ROBO2: variants seen among roughly 807,000 people sequenced by gnomAD.
The protein encoded by ROBO2 is roundabout homolog 2.
In ROBO2, 53 loss-of-function variants were observed where a neutral mutation model predicts 160.8. The ratio of observed to expected loss-of-function variants is 0.33; its 90% confidence interval spans 0.26 to 0.41. The LOEUF is 0.41. ROBO2 is among the 10% of genes least tolerant of loss of function. The probability of loss-of-function intolerance (pLI) is 1.00; values close to 1 mark genes in which losing one functional copy is unlikely to be tolerated. For missense variants in ROBO2, 1,577 were observed against 1,722.4 expected (o/e 0.92, Z 1.49); for synonymous variants, 664 against 611.7 (o/e 1.09, Z -1.26).
intron 2 of ROBO2, among the ~76,000 whole-genome samples, chr3:77,311,482 T>A (rs56698695): frequency 0.054 from 8,272 of 152,292 alleles, 704 homozygotes; most frequent in African/African-American, 0.18. Context: ...TAATGCTAAG[T>A]TCATCATATC....
chr3:76,009,581 G>A (rs539257647), intron 2 of ROBO2, among the ~76,000 whole-genome samples: 53 of 152,118 alleles, frequency 3.5e-4, no homozygotes, highest in Non-Finnish European at 5.3e-4. Flanking sequence ...ATAGTGTTGC[G>A]TCTTTCAGAA....
chr3:77,298,822 C>G (rs189269262), intron 2 of ROBO2, among the ~76,000 whole-genome samples: 214 of 152,248 alleles, frequency 1.4e-3, no homozygotes, highest in African/African-American at 4.9e-3. Context: ...ATAGATAAAG[C>G]AATAGACCCT....
At chr3:75,968,930 TAGATAGTACA>T (rs1338580002) in intron 2 of ROBO2, among the ~76,000 whole-genome samples, 4 of 144,738 alleles carry the variant, frequency 2.8e-5, no homozygotes, top group Non-Finnish European at 4.7e-5. Context: ...TGGCTTGTTT[TAGATAGTACA>T]TAGATAGCAC....
At chr3:76,520,649 A>C (rs193034732) in intron 2 of ROBO2, among the ~76,000 whole-genome samples, 1 of 152,150 alleles carries the variant, frequency 6.6e-6, no homozygotes, top group African/African-American at 2.4e-5. Context: ...GTCCTGGTCT[A>C]TACCACTGTG....
chr3:76,850,811 T>G (rs1379627445), intron 2 of ROBO2, among the ~76,000 whole-genome samples: 3 of 152,058 alleles, frequency 2.0e-5, no homozygotes. Flanking sequence ...GCCCATTCAA[T>G]TTTAGGATAT....
intron 2 of ROBO2, among the ~76,000 whole-genome samples, chr3:76,077,896 C>A (rs921680679): frequency 2.6e-5 from 4 of 152,180 alleles, no homozygotes; most frequent in Admixed American, 2.6e-4. Context: ...TAGTTGCCAA[C>A]TTCCATTGAT....
intron 2 of ROBO2, among the ~76,000 whole-genome samples, chr3:77,196,449 C>T (rs1385595240): frequency 6.6e-6 from 1 of 151,288 alleles, no homozygotes; most frequent in Non-Finnish European, 1.5e-5. Flanking sequence ...TGGTTTGAGA[C>T]ATATGCTTAA....
At chr3:76,509,616 G>A (rs2080975757) in intron 2 of ROBO2, among the ~76,000 whole-genome samples, 1 of 152,128 alleles carries the variant, frequency 6.6e-6, no homozygotes, top group Admixed American at 6.6e-5. Context: ...ATTCGGCCTA[G>A]TGTTGAGGCA....
intron 2 of ROBO2, among the ~76,000 whole-genome samples, chr3:75,985,783 TAAATG>T (rs1355762190): frequency 6.6e-6 from 1 of 151,682 alleles, no homozygotes; most frequent in Non-Finnish European, 1.5e-5. Flanking sequence ...GAACCTCATA[TAAATG>T]AAATCATACA....
intron 2 of ROBO2, among the ~76,000 whole-genome samples, chr3:76,066,652 T>G (rs2324470): frequency 6.6e-6 from 1 of 151,602 alleles, no homozygotes; most frequent in South Asian, 2.1e-4. Flanking sequence ...TATATGTGAA[T>G]AAACAGGCTC....
chr3:76,424,450 A>G (rs558187920), intron 2 of ROBO2, among the ~76,000 whole-genome samples: 4 of 152,306 alleles, frequency 2.6e-5, no homozygotes, highest in African/African-American at 9.6e-5. Context: ...TGGAATCTAA[A>G]AAATGGATAA....
chr3:77,040,382 G>C lies in ROBO2; in HGVS notation c.-404G>C, dbSNP rs79942150. ...TTTTCGGCAGCGCGCTGGCAAGTTT[G>C]TGGAACACTTTCTAGGAATTAGGTC... On this transcript the variant is annotated 5_prime_UTR_variant, in exon 1 of 26. Coordinates refer to ENST00000461745, the Ensembl canonical transcript of ROBO2. The C allele has an allele frequency of 7.4e-3, 7,512 of 1,008,888 alleles. 415 individuals are homozygous for C. The African/African-American group carries it at 0.12, about 16-fold the overall frequency. 62.5% of individuals were successfully genotyped at this position (1,008,888 alleles called of 1,614,324 possible). A position where few individuals can be genotyped will look rare whatever the true frequency, so the allele number is the denominator to read the frequency against.
intron 2 of ROBO2, among the ~76,000 whole-genome samples, chr3:77,374,089 G>A (rs1352497664): frequency 7.2e-6 from 1 of 139,336 alleles, no homozygotes; most frequent in Non-Finnish European, 1.5e-5. Context: ...AGAATTGCTG[G>A]AACCTGGGAG....
intron 2 of ROBO2, among the ~76,000 whole-genome samples, chr3:77,103,324 A>G (rs2150118409): frequency 6.6e-6 from 1 of 152,164 alleles, no homozygotes; most frequent in Non-Finnish European, 1.5e-5. Context: ...GCCAGTGCAG[A>G]GAGTAGAGAT....
chr3:76,306,669 A>G (rs2071351717), intron 2 of ROBO2, among the ~76,000 whole-genome samples: 1 of 152,196 alleles, frequency 6.6e-6, no homozygotes, highest in Non-Finnish European at 1.5e-5. Flanking sequence ...TTAATTTGTA[A>G]CTAAATTCTT....
chr3:77,449,866 G>C (rs1330881777), intron 2 of ROBO2, among the ~76,000 whole-genome samples: 2 of 152,060 alleles, frequency 1.3e-5, no homozygotes, highest in Non-Finnish European at 2.9e-5. Context: ...GTCCAGCTCT[G>C]TTAAAAACAA....
rs10581875 is a variant in ROBO2 at position 76,560,933 on chromosome 3, GATATATATATATATATATATATATATAT to G, written c.110-537070_110-537043del. Among the ~76,000 whole-genome samples, 40 of 128,162 alleles carry G rather than the reference GATATATATATATATATATATATATATAT, an allele frequency of 3.1e-4. 2 individuals carry two copies. The South Asian group carries it at 3.4e-3, about 11-fold the overall frequency. The allele number at this position is 128,162 out of a possible 152,430, so 84.1% of individuals were successfully genotyped here. On this transcript the variant is annotated intron_variant, in intron 2 of 26. Coordinates refer to the ROBO2 transcript ENST00000487694. Reference sequence around the variant, plus strand: ...TCCCTCCTTTATATATAAGAAGTAAGATATATATATATATATATATATATATATATATATATATGAGTATATCTGTGTG... The same window carrying G: ...TCCCTCCTTTATATATAAGAAGTAAGATATATATATGAGTATATCTGTGTG...
At chr3:77,025,530 G>A (rs2062910657) in intron 2 of ROBO2, among the ~76,000 whole-genome samples, 1 of 152,124 alleles carries the variant, frequency 6.6e-6, no homozygotes, top group Admixed American at 6.6e-5. Context: ...TAGACAAATT[G>A]CTCCCAAATG....
intron 2 of ROBO2, among the ~76,000 whole-genome samples, chr3:76,261,325 G>A (rs1218990940): frequency 6.6e-6 from 1 of 151,690 alleles, no homozygotes; most frequent in African/African-American, 2.4e-5. Flanking sequence ...TTTACCTGGA[G>A]ACTCTTTACC....
Sources: allele counts gnomAD v4.1 joint callset (sites outside exome capture counted in the v4.1 genomes callset), GRCh38; gene constraint gnomAD v4.1.1; transcripts MANE v1.5; gene names NCBI Gene and HGNC (gene_info 2026-07-23, HGNC 2026-07-21).